Variants in DPEP3 observed in about 807,000 individuals in gnomAD.
The protein encoded by DPEP3 is membrane-bound dipeptidase 3.
In DPEP3, 42 loss-of-function variants were observed where a neutral mutation model predicts 47.5. That is an observed-to-expected ratio of 0.88 (90% confidence interval 0.69 to 1.14). The LOEUF is 1.14. Ranked by LOEUF, DPEP3 falls within the 50% of genes most tolerant of loss-of-function variation. The pLI, the probability that DPEP3 is intolerant of heterozygous loss-of-function variation, is 0.00. For synonymous variants in DPEP3, 276 were observed against 270.2 expected, an observed-to-expected ratio of 1.02 and a Z score of -0.21; for missense variants, 560 against 635.0, an observed-to-expected ratio of 0.88 and a Z score of 1.27.
intron 9 of DPEP3, 40 bp from the exon 10 acceptor site, chr16:67,976,041 T>C (rs750173571): frequency 6.2e-7 from 1 of 1,613,506 alleles, no homozygotes; most frequent in South Asian, 1.1e-5. Context: ...CCCACAGCAA[T>C]CCCCTCCCCT....
Position 67,978,433 on chromosome 16 carries a change from G to A in DPEP3, c.545-25C>T. The A allele has an allele frequency of 6.2e-7, 1 of 1,613,984 alleles. No individual in the cohort carries two copies. The highest frequency in any genetic ancestry group is 8.5e-7 in the Non-Finnish European group (1 of 1,179,884). On this transcript the variant is annotated intron_variant, in intron 3 of 9. Coordinates refer to ENST00000268793, the MANE Select transcript of DPEP3 (RefSeq NM_001370198.1). This position sits in a 1 kb window ranked among gnomAD's most constrained non-coding sequence, Gnocchi z 4.4. ...CCTAGAAGGAGGTAGAGAGTCAAGTGGTTAGATCCCAGGAACAGAACCTCC... is the reference window on the plus strand; with the variant it reads ...CCTAGAAGGAGGTAGAGAGTCAAGTAGTTAGATCCCAGGAACAGAACCTCC...
In DPEP3 at chr16:67,978,662, G is replaced by A; in HGVS notation, c.415-36C>T. 7 of 1,610,796 alleles carry A rather than the reference G, an allele frequency of 4.3e-6. No homozygotes were observed. The highest frequency in any genetic ancestry group is 5.9e-6 in the Non-Finnish European group (7 of 1,178,512). ...GTCAAGGGGTCCAGAATGAGGCCAG[G>A]GCGGTCTTCAACCCCCTAGGCCTGC... is the stretch of plus-strand genomic sequence containing the variant. On this transcript the variant is annotated intron_variant, in intron 2 of 9. Coordinates refer to ENST00000268793, the MANE Select transcript of DPEP3 (RefSeq NM_001370198.1). This position sits in a 1 kb window ranked among gnomAD's most constrained non-coding sequence, Gnocchi z 4.4.
intron 2 of DPEP3, 25 bp downstream of exon 2, chr16:67,979,603 AGCCATGCTGTG>A: frequency 6.2e-7 from 1 of 1,610,060 alleles, no homozygotes; most frequent in East Asian, 2.2e-5. Context: ...ATCCCCCAGC[AGCCATGCTGTG>A]GCACCCTGTG....
At chr16:67,976,263 T>G in intron 8 of DPEP3, 35 bp from the exon 9 acceptor site, 2 of 1,611,932 alleles carry the variant, frequency 1.2e-6, no homozygotes, top group Non-Finnish European at 1.7e-6. Context: ...TGTGGGACCT[T>G]AGCCCTGATC....
rs140842438 is a variant in DPEP3, at chr16:67,975,805, G to A, written c.1427C>T (p.Ala476Val). ...ASPYLVPGLV[A>V]AATIPTFTQW... ...GGTGAAGGTTGGGATGGTGGCAGCA[G>A]CCACAAGGCCTGGAACAAGGTATGG... The change falls in exon 10 of 10, where the codon GCT (alanine) becomes GTT (valine). Residue 476 changes from alanine (A) to valine (V), a missense_variant. Coordinates refer to ENST00000268793, the MANE Select transcript of DPEP3 (RefSeq NM_001370198.1). 2.9e-4 allele frequency: 471 copies of A among 1,613,854 alleles called. 4 individuals are homozygous for A. In the East Asian group the frequency reaches 8.4e-3, roughly 29 times the overall value.
Position 67,977,752 on chromosome 16 carries a change from G to A in DPEP3, c.834C>T (p.Val278=). ...TCACAGGAGCCTGAGACACTTCCAGGACCCTTCTTATCAAGGTGTCCGATG... is the reference window on the plus strand; with the variant it reads ...TCACAGGAGCCTGAGACACTTCCAGAACCCTTCTTATCAAGGTGTCCGATG... The part of the protein sequence containing the change: ...SYASDTLIRR[V]LEVSQAPVIF... The change falls in exon 6 of 10, where the codon GTC becomes GTT. Residue 278 remains valine, a synonymous_variant. Transcript: ENST00000268793. The A allele has an allele frequency of 6.2e-7, 1 of 1,613,748 alleles. No homozygotes were observed.
intron 8 of DPEP3, 49 bp downstream of exon 8, chr16:67,976,651 G>A: frequency 6.4e-7 from 1 of 1,566,542 alleles, no homozygotes; most frequent in Non-Finnish European, 8.8e-7. Flanking sequence ...AAGACTAAAG[G>A]ACTCCCTGCT....
chr16:67,978,259 A>G lies in DPEP3; in HGVS notation c.686+8T>C, dbSNP rs369711681. Reference sequence around the variant, plus strand: ...CCATCTAGCATCCTGGCCAGGTGTTATGCTCACCATGGTGTACTGCAGGTG... The same window carrying G: ...CCATCTAGCATCCTGGCCAGGTGTTGTGCTCACCATGGTGTACTGCAGGTG... On this transcript the variant is annotated splice_region_variant and intron_variant, in intron 4 of 9. Coordinates refer to ENST00000268793, the MANE Select transcript of DPEP3 (RefSeq NM_001370198.1). This position sits in a 1 kb window ranked among gnomAD's most constrained non-coding sequence, Gnocchi z 4.4. 19 of 1,613,976 alleles carry G rather than the reference A, an allele frequency of 1.2e-5. No individual in the cohort carries two copies. The highest frequency in any genetic ancestry group is 2.2e-5 in the East Asian group (1 of 44,898).
rs2031257940 is a variant in DPEP3, at chr16:67,978,757, T to C, written c.415-131A>G. ...CCAAGTGAGGCACTACATGACTCCA[T>C]GGTACCTTGATGACTTTTTTTAAAA... On this transcript the variant is annotated intron_variant, in intron 2 of 9. Coordinates refer to ENST00000268793, the MANE Select transcript of DPEP3 (RefSeq NM_001370198.1). The surrounding 1 kb of genome is among the most constrained non-coding windows in gnomAD (Gnocchi z 4.4). The C allele has an allele frequency of 9.8e-7, 1 of 1,020,650 alleles. No homozygotes were observed. The allele number at this position is 1,020,650 out of a possible 1,614,324, so 63.2% of individuals were successfully genotyped here. A position where few individuals can be genotyped will look rare whatever the true frequency, so the allele number is the denominator to read the frequency against.
At position 67,978,705 on chromosome 16, in the gene DPEP3, C is replaced by A; in HGVS notation, c.415-79G>T. The A allele has an allele frequency of 6.4e-7, 1 of 1,565,852 alleles. No homozygotes were observed. Among genetic ancestry groups the A allele is most frequent in the Non-Finnish European group, 8.7e-7 (1 of 1,151,704 alleles). On this transcript the variant is annotated intron_variant, in intron 2 of 9. Coordinates refer to ENST00000268793, the MANE Select transcript of DPEP3 (RefSeq NM_001370198.1). This position sits in a 1 kb window ranked among gnomAD's most constrained non-coding sequence, Gnocchi z 4.4. ...AGGCCTGCCACTCCTGCCTCAGACC[C>A]CATAACACCCATTTGGGTCAGTGGC...
chr16:67,980,222 G>A lies in DPEP3; in HGVS notation c.159C>T (p.Ser53=). The A allele has an allele frequency of 6.2e-7, 1 of 1,610,032 alleles. No homozygotes were observed. The part of the protein sequence containing the change: ...PRALSTLGSP[S]LFTTPGVPSA... ...TGGGGACACCCGGCGTGGTGAAGAG[G>A]CTGGGGGAGCCCAGCGTGGAGAGGG... is the stretch of plus-strand genomic sequence containing the variant. The change falls in exon 1 of 10, where the codon AGC becomes AGT. Residue 53 remains serine (S), a synonymous_variant. Transcript: ENST00000268793.
Position 67,976,718 on chromosome 16 carries a change from T to C in DPEP3, c.1076A>G (p.Asn359Ser), listed in dbSNP as rs763693962. Residue 359 changes from asparagine to serine, a missense_variant, in exon 8 of 10, where the codon AAT (asparagine) becomes AGT (serine). Physicochemically the swap from Asn to Ser is conservative, Grantham distance 46 (BLOSUM62 1). Transcript: ENST00000268793. ...IGSEFIGIGG[N>S]YDGTGRFPQG... ...CACTCACCGGCCAGTCCCGTCATAA[T>C]TTCCACCAATCCCGATGAACTCAGA... The C allele has an allele frequency of 3.1e-6, 5 of 1,613,970 alleles. No homozygotes were observed. In the East Asian group the frequency reaches 1.1e-4, roughly 36 times the overall value.
chr16:67,976,409 G>A (rs1044280235), intron 8 of DPEP3, among the ~76,000 whole-genome samples, 181 bp from the exon 9 acceptor site: 3 of 152,246 alleles, frequency 2.0e-5, no homozygotes, highest in Non-Finnish European at 4.4e-5. Context: ...TGAGCAGATG[G>A]TCAGCCCACA....
In DPEP3 at chr16:67,980,248, C is replaced by T. The variant is rs752594817; in HGVS notation, c.133G>A (p.Ala45Thr). Residue 45 changes from alanine (A) to threonine (T), a missense_variant, in exon 1 of 10, where the codon GCC becomes ACC. Coordinates refer to ENST00000268793, the MANE Select transcript of DPEP3 (RefSeq NM_001370198.1). ...CTGGGGGAGCCCAGCGTGGAGAGGG[C>T]TCTGGGGGCGCCCGGCGTGGTCTCC... ...RAETTPGAPR[A>T]LSTLGSPSLF... The T allele has an allele frequency of 9.3e-6, 15 of 1,605,740 alleles. No individual in the cohort carries two copies. The South Asian group carries it at 1.5e-4, about 17-fold the overall frequency.
At position 67,977,673 on chromosome 16, in the gene DPEP3, C is replaced by T. The variant is rs113700215; in HGVS notation, c.913G>A (p.Asp305Asn). The T allele has an allele frequency of 8.3e-3, 13,314 of 1,611,676 alleles. 83 individuals carry two copies. The highest frequency in any genetic ancestry group is 0.01 in the Non-Finnish European group (11,798 of 1,178,922). The change falls in exon 6 of 10, where the codon GAT becomes AAT. Residue 305 changes from aspartate (D) to asparagine (N), a missense_variant. Transcript: ENST00000268793. ...CTCACCAGAAGCTGCAGGATATCAT[C>T]GGGAACATTCAACAAATTGTCACAC... is the stretch of plus-strand genomic sequence containing the variant. ...AVCDNLLNVPDDILQLLKKNG... is the reference protein window; with the variant it reads ...AVCDNLLNVPNDILQLLKKNG...
At chr16:67,976,654 TC>T in intron 8 of DPEP3, 45 bp downstream of exon 8, 1 of 1,579,876 alleles carries the variant, frequency 6.3e-7, no homozygotes, top group South Asian at 1.1e-5. Context: ...ACTAAAGGAC[TC>T]CCTGCTGCAC....
chr16:67,976,215 G>A lies in DPEP3; in HGVS notation c.1108C>T (p.Leu370=), dbSNP rs754882209. ...ACTGGGTATGTGGACACATCCTCCA[G>A]CCCCTGAGGGAACCTGTGTGGCCAC... ...YDGTGRFPQG[L]EDVSTYPVLI... Residue 370 remains leucine, a synonymous_variant, in exon 9 of 10, where the codon CTG becomes TTG. Coordinates refer to ENST00000268793, the MANE Select transcript of DPEP3 (RefSeq NM_001370198.1). 3.1e-6 allele frequency: 5 copies of A among 1,614,046 alleles called. No homozygotes were observed. Among genetic ancestry groups the A allele is most frequent in the East Asian group, 2.2e-5 (1 of 44,904 alleles).
In DPEP3 at chr16:67,977,423, C is replaced by A. The variant is rs1409105217; in HGVS notation, c.934-69G>T. 24 of 1,497,772 alleles carry A rather than the reference C, an allele frequency of 1.6e-5. No homozygotes were observed. The South Asian group carries it at 1.9e-4, about 12-fold the overall frequency. 92.8% of individuals were successfully genotyped at this position (1,497,772 alleles called of 1,614,324 possible). On this transcript the variant is annotated intron_variant, in intron 6 of 9. Transcript: ENST00000268793. Reference sequence around the variant, plus strand: ...GAACATGCCTCCTGTGCTGTGGGGGCCCTGGTAGGACTGTGCTCCATCCTG... The same window carrying A: ...GAACATGCCTCCTGTGCTGTGGGGGACCTGGTAGGACTGTGCTCCATCCTG...
chr16:67,976,009 A>T lies in DPEP3; in HGVS notation c.1231-8T>A, dbSNP rs1217754731. 1 of 1,613,402 alleles carries T rather than the reference A, an allele frequency of 6.2e-7. No individual in the cohort carries two copies. The highest frequency in any genetic ancestry group is 1.7e-5 in the Admixed American group (1 of 59,988). The stretch of plus-strand genomic sequence containing the variant: ...CCTGCTCTCCTCTCTCACCTGGGGG[A>T]GGAAGTCCGCAGTCAGAGGCTCCCA... On this transcript the variant is annotated splice_region_variant and splice_polypyrimidine_tract_variant and intron_variant, in intron 9 of 9. Coordinates refer to ENST00000268793, the MANE Select transcript of DPEP3 (RefSeq NM_001370198.1).
Sources: gnomAD v4.1 joint callset for allele counts (sites outside exome capture counted in the v4.1 genomes callset) on GRCh38, gnomAD v4.1.1 for gene constraint, Gnocchi (gnomAD v3.1) non-coding constraint, MANE v1.5 for transcripts, NCBI Gene and HGNC (gene_info 2026-07-23, HGNC 2026-07-21) for gene names.